The following SGK3 variants were observed in gnomAD, a reference collection of about 807,000 sequenced individuals.
SGK3 encodes the protein serine/threonine-protein kinase Sgk3.
Under a neutral mutation model 68.5 loss-of-function variants are expected in SGK3, and 47 were observed. The ratio of observed to expected loss-of-function variants is 0.69; its 90% CI spans 0.54 to 0.87. The LOEUF (loss-of-function observed/expected upper bound fraction) is 0.87, where lower values mean the gene tolerates loss of function less well. SGK3 is among the 40% of genes least tolerant of loss of function. The pLI, the probability that SGK3 is intolerant of heterozygous loss-of-function variation, is 0.00. For missense variants in SGK3, 479 were observed against 575.5 expected (o/e 0.83, Z 1.72); for synonymous variants, 181 against 189.1 (o/e 0.96, Z 0.35).
chr8:66,837,733 A>G (rs548728632), intron 10 of SGK3, among the ~76,000 whole-genome samples: 1 of 152,322 alleles, frequency 6.6e-6, no homozygotes, highest in South Asian at 2.1e-4. Flanking sequence ...GCAATGAGCC[A>G]TGATCACACA....
intron 1 of SGK3, among the ~76,000 whole-genome samples, chr8:66,713,224 G>A (rs769567133): frequency 1.3e-5 from 2 of 152,240 alleles, no homozygotes; most frequent in Non-Finnish European, 2.9e-5. Flanking sequence ...TTAACCTGTT[G>A]TCAGCGGATC....
At chr8:66,812,813 G>A (rs1377469414) in intron 4 of SGK3, among the ~76,000 whole-genome samples, 3 of 152,114 alleles carry the variant, frequency 2.0e-5, no homozygotes, top group East Asian at 1.9e-4. Flanking sequence ...TTCAAGGTTA[G>A]GAAGTAGGAA....
intron 2 of SGK3, among the ~76,000 whole-genome samples, chr8:66,795,415 T>C (rs1186072937): frequency 6.6e-6 from 1 of 152,212 alleles, no homozygotes; most frequent in East Asian, 1.9e-4. Flanking sequence ...TTTTTAGCAG[T>C]ATCACATTGA....
intron 15 of SGK3, among the ~76,000 whole-genome samples, chr8:66,848,873 TAC>T (rs1359047120): frequency 1.3e-5 from 2 of 152,208 alleles, no homozygotes; most frequent in Non-Finnish European, 2.9e-5. Context: ...TTTCTCAATC[TAC>T]CACAAAATAG....
At chr8:66,762,465 C>T (rs2130465011) in intron 1 of SGK3, among the ~76,000 whole-genome samples, 1 of 152,154 alleles carries the variant, frequency 6.6e-6, no homozygotes, top group East Asian at 1.9e-4. Flanking sequence ...TACAGTGAGC[C>T]AAGATCGCGC....
intron 1 of SGK3, among the ~76,000 whole-genome samples, chr8:66,783,859 A>G (rs1029780032): frequency 2.0e-5 from 3 of 151,848 alleles, no homozygotes; most frequent in African/African-American, 7.3e-5. Flanking sequence ...ATATTCTAGG[A>G]ATTTTATAGT....
At chr8:66,825,882 C>A (rs1176113380) in intron 6 of SGK3, among the ~76,000 whole-genome samples, 1 of 152,170 alleles carries the variant, frequency 6.6e-6, no homozygotes. Flanking sequence ...TTAGGGGAAT[C>A]CTTGCCTAAA....
chr8:66,810,530 G>C (rs779928550), intron 4 of SGK3, among the ~76,000 whole-genome samples: 2 of 152,148 alleles, frequency 1.3e-5, no homozygotes, highest in East Asian at 3.9e-4. Context: ...CTGAAACCTC[G>C]TCTCTACTAA....
intron 1 of SGK3, among the ~76,000 whole-genome samples, chr8:66,754,324 G>A (rs1469593503): frequency 2.0e-5 from 3 of 152,054 alleles, no homozygotes; most frequent in Non-Finnish European, 2.9e-5. Flanking sequence ...AAAAACTAAG[G>A]AACATTGCAC....
At chr8:66,821,374 G>A (rs1808807862) in intron 5 of SGK3, among the ~76,000 whole-genome samples, 1 of 151,992 alleles carries the variant, frequency 6.6e-6, no homozygotes, top group Non-Finnish European at 1.5e-5. Flanking sequence ...TCTCGCTGTT[G>A]ACTGGTATTC....
chr8:66,831,113 C>A, intron 7 of SGK3, 141 bp from the exon 8 acceptor site: 2 of 870,618 alleles, frequency 2.3e-6, no homozygotes, highest in Non-Finnish European at 3.6e-6. Flanking sequence ...AGATGAAGTA[C>A]TCAGCAGGAA....
intron 14 of SGK3, among the ~76,000 whole-genome samples, chr8:66,844,391 C>T (rs916744432): frequency 1.3e-5 from 2 of 152,166 alleles, no homozygotes; most frequent in Non-Finnish European, 2.9e-5. Context: ...GATGTTTATG[C>T]AGTCAGTTTG....
chr8:66,819,840 CAG>C (rs1177381242), intron 5 of SGK3, among the ~76,000 whole-genome samples: 3 of 148,816 alleles, frequency 2.0e-5, no homozygotes, highest in African/African-American at 5.0e-5. Flanking sequence ...TTTTTGGAGA[CAG>C]AGTTTTGCTC....
intron 5 of SGK3, among the ~76,000 whole-genome samples, chr8:66,822,016 A>G (rs937722731): frequency 3.6e-5 from 5 of 137,946 alleles, no homozygotes; most frequent in African/African-American, 1.4e-4. Context: ...TTTTGGTATT[A>G]TCTGTCTTTC....
intron 7 of SGK3, 45 bp from the exon 8 acceptor site, chr8:66,831,208 AT>A (rs1352068774): frequency 6.2e-7 from 1 of 1,601,988 alleles, no homozygotes; most frequent in South Asian, 1.1e-5. Context: ...AAAAGTTAAT[AT>A]TTCCAATTTC....
intron 1 of SGK3, among the ~76,000 whole-genome samples, chr8:66,744,500 TATATATATATATATATA>T (rs1285096662): frequency 1.9e-4 from 5 of 26,136 alleles, no homozygotes; most frequent in African/African-American, 2.8e-4. Context: ...TATATATATA[TATATATATATATATATA>T]TATTTTTTTT....
Position 66,728,178 on chromosome 8 carries a change from A to G in SGK3, c.-122+15345A>G, listed in dbSNP as rs559402922. On this transcript the variant is annotated intron_variant, in intron 1 of 16. Coordinates refer to ENST00000521198, the MANE Select transcript of SGK3 (RefSeq NM_001033578.3). Reference sequence around the variant, plus strand: ...TCCAGCCAGCCCCAAGTAATGACAAATTACTTTCTTTCTCTGCAGATTCAC... The same window carrying G: ...TCCAGCCAGCCCCAAGTAATGACAAGTTACTTTCTTTCTCTGCAGATTCAC... Among the ~76,000 whole-genome samples the G allele has an allele frequency of 6.6e-5, 10 of 152,248 alleles. No homozygotes were observed. The South Asian group carries it at 1.0e-3, about 16-fold the overall frequency.
At chr8:66,778,657 A>G (rs1224861060) in intron 1 of SGK3, among the ~76,000 whole-genome samples, 1 of 152,234 alleles carries the variant, frequency 6.6e-6, no homozygotes, top group African/African-American at 2.4e-5. Context: ...TTAAATCGTT[A>G]AATATTGAGC....
chr8:66,723,115 A>T (rs1804857937), intron 1 of SGK3, among the ~76,000 whole-genome samples: 1 of 48,778 alleles, frequency 2.1e-5, no homozygotes, highest in African/African-American at 8.9e-5. Context: ...ATATATATAT[A>T]TATATATATA....
Sources: gnomAD v4.1 joint callset for allele counts (sites outside exome capture counted in the v4.1 genomes callset) on GRCh38, gnomAD v4.1.1 for gene constraint, MANE v1.5 for transcripts, NCBI Gene and HGNC (gene_info 2026-07-23, HGNC 2026-07-21) for gene names.